The following HAS1 variants were observed in gnomAD, a reference collection of about 807,000 sequenced individuals.
HAS1 encodes the protein hyaluronan synthase 1, also known as HA synthase 1.
Under a neutral mutation model 35.0 loss-of-function variants are expected in HAS1, and 27 were observed. The observed-to-expected ratio is 0.77, with a 90% CI of 0.57 to 1.06. HAS1 has a LOEUF of 1.06. Among genes scored for constraint, HAS1 ranks in the 50% least tolerant of loss-of-function variants. The pLI is 0.00. For synonymous variants in HAS1, 409 were observed against 371.2 expected, an observed-to-expected ratio of 1.10 and a Z score of -1.17; for missense variants, 940 against 814.8, an observed-to-expected ratio of 1.15 and a Z score of -1.87.
Position 51,719,822 on chromosome 19 carries a change from G to A in HAS1, c.83C>T (p.Ala28Val), listed in dbSNP as rs2083614565. 1.9e-6 allele frequency: 3 copies of A among 1,555,750 alleles called. No homozygotes were observed. The South Asian group carries it at 3.5e-5, about 18-fold the overall frequency. Residue 28 changes from alanine to valine, a missense_variant, in exon 2 of 5, where the codon GCC becomes GTC. Physicochemically the swap from Ala to Val is moderately conservative, Grantham distance 64 (BLOSUM62 0). Transcript: ENST00000540069. ...GGTCATGAGGCCCAGGATGAGCAGGGCGAAGGCGATGGTCAGCACCCTCCG... is the reference window on the plus strand; with the variant it reads ...GGTCATGAGGCCCAGGATGAGCAGGACGAAGGCGATGGTCAGCACCCTCCG... Reference protein sequence around the residue: ...LARRVLTIAFALLILGLMTWA... With the variant: ...LARRVLTIAFVLLILGLMTWA...
intron 2 of HAS1, 41 bp downstream of exon 2, chr19:51,719,165 G>T: frequency 7.9e-7 from 1 of 1,267,396 alleles, no homozygotes; most frequent in Non-Finnish European, 1.1e-6. Context: ...GTGGGATTTG[G>T]GTGTTCGGGT....
chr19:51,713,975 G>A lies in HAS1; in HGVS notation c.1186C>T (p.His396Tyr). ...WLYNALWWHR[H>Y]HAWMTYEAVV... ...GCCTCGTAGGTCATCCACGCATGGT[G>A]CCGGTGCCACCAGAGCGCGTTGTAC... Residue 396 changes from histidine (H) to tyrosine (Y), a missense_variant, in exon 5 of 5, where the codon CAC (histidine) becomes TAC (tyrosine). Physicochemically the swap from His to Tyr is moderately conservative, Grantham distance 83. Coordinates refer to ENST00000540069, the MANE Select transcript of HAS1 (RefSeq NM_001297436.2). This position sits in a 1 kb window ranked among gnomAD's most constrained non-coding sequence, Gnocchi z 4.5. 1 of 1,613,300 alleles carries A rather than the reference G, an allele frequency of 6.2e-7. No individual in the cohort carries two copies. The highest frequency in any genetic ancestry group is 8.5e-7 in the Non-Finnish European group (1 of 1,179,992).
At position 51,719,574 on chromosome 19, in the gene HAS1, G is replaced by T. The variant is rs373808928; in HGVS notation, c.331C>A (p.Arg111Ser). 21 of 1,544,434 alleles carry T rather than the reference G, an allele frequency of 1.4e-5. No homozygotes were observed. In the African/African-American group the frequency reaches 2.1e-4, roughly 15 times the overall value. ...GCGCGGGCGGACGCCAGGCACTGGCGCAGGTACGCGGGGTCCTCCTGGTAG... is the reference window on the plus strand; with the variant it reads ...GCGCGGGCGGACGCCAGGCACTGGCTCAGGTACGCGGGGTCCTCCTGGTAG... ...SAYQEDPAYL[R>S]QCLASARALL... The change falls in exon 2 of 5, where the codon CGC becomes AGC. Residue 111 changes from arginine to serine, a missense_variant. Transcript: ENST00000540069.
At chr19:51,723,830 T>TGAAA (rs2083647119) in intron 1 of HAS1, 95 bp downstream of exon 1, 1 of 1,178,548 alleles carries the variant, frequency 8.5e-7, no homozygotes, top group African/African-American at 1.5e-5. Context: ...GCACACACAG[T>TGAAA]TCCCCAACAC....
intron 4 of HAS1, chr19:51,714,310 G>T: frequency 1.3e-6 from 1 of 757,648 alleles, no homozygotes. Context: ...AGCACTTTGG[G>T]AGGCTGAGGG....
rs2083648541 is a variant in HAS1, at chr19:51,723,925, CT to C, written c.8del (p.Gln3ArgfsTer21). On this transcript the variant is annotated frameshift_variant and splice_region_variant, in exon 1 of 5. Transcript: ENST00000540069. LOFTEE classifies it high-confidence loss of function. MR[Q>X]DAPKPTPAAC... The stretch of plus-strand genomic sequence containing the variant: ...CACACACACACACACACACACACAC[CT>C]GTCTCATCGCAGTGGGTCTGGCCGG... 3.3e-6 allele frequency: 4 copies of C among 1,202,550 alleles called. No homozygotes were observed. Among genetic ancestry groups the C allele is most frequent in the South Asian group, 1.5e-5 (1 of 68,126 alleles). 74.5% of individuals were successfully genotyped at this position (1,202,550 alleles called of 1,614,324 possible).
chr19:51,714,523 T>TA (rs1192483861), intron 4 of HAS1, among the ~76,000 whole-genome samples: 40,026 of 85,580 alleles, frequency 0.47, 9,686 homozygotes, highest in Admixed American at 0.57. Flanking sequence ...ACCCCATCTC[T>TA]AAAAAAAAAA....
intron 1 of HAS1, among the ~76,000 whole-genome samples, chr19:51,721,449 A>G (rs2083631098): frequency 6.6e-6 from 1 of 152,168 alleles, no homozygotes; most frequent in Admixed American, 6.5e-5. Context: ...CTACTGTACA[A>G]CAACCTTAAT....
Position 51,713,634 on chromosome 19 carries a change from C to T in HAS1, c.1527G>A (p.Ala509=), listed in dbSNP as rs2083557688. The T allele has an allele frequency of 1.2e-5, 18 of 1,563,040 alleles. No individual in the cohort carries two copies. The highest frequency in any genetic ancestry group is 1.5e-5 in the Non-Finnish European group (17 of 1,154,352). ...GGACCAGGCCCCCAAGCAGCAGCAG[C>T]GCCCAGAGCGCCAGGGGCAGCAGAG... ...YVPLLPLALW[A]LLLLGGLVRS... Residue 509 remains alanine (A), a synonymous_variant, in exon 5 of 5, where the codon GCG becomes GCA. Coordinates refer to ENST00000540069, the MANE Select transcript of HAS1 (RefSeq NM_001297436.2). The surrounding 1 kb of genome is among the most constrained non-coding windows in gnomAD (Gnocchi z 4.5).
Position 51,713,955 on chromosome 19 carries a change from G to A in HAS1, c.1206C>T (p.Tyr402=), listed in dbSNP as rs781708258. 1.4e-5 allele frequency: 23 copies of A among 1,611,994 alleles called. 1 individual carries two copies. In the South Asian group the frequency reaches 2.2e-4, roughly 15 times the overall value. Residue 402 remains tyrosine, a synonymous_variant, in exon 5 of 5, where the codon TAC becomes TAT. Transcript: ENST00000540069. This position sits in a 1 kb window ranked among gnomAD's most constrained non-coding sequence, Gnocchi z 4.5. The part of the protein sequence containing the change: ...WWHRHHAWMT[Y]EAVVSGLFPF... ...GGAACAGGCCGGAGACCACCGCCTC[G>A]TAGGTCATCCACGCATGGTGCCGGT...
At position 51,719,403 on chromosome 19, in the gene HAS1, G is replaced by C. The variant is rs2083608435; in HGVS notation, c.502C>G (p.Pro168Ala). 6.4e-7 allele frequency: 1 copy of C among 1,569,822 alleles called. No homozygotes were observed. The highest frequency in any genetic ancestry group is 8.6e-7 in the Non-Finnish European group (1 of 1,156,858). The change falls in exon 2 of 5, where the codon CCC becomes GCC. Residue 168 changes from proline (P) to alanine (A), a missense_variant. Transcript: ENST00000540069. ...GCGCCCGCCGCCGCGGGTTCCCAGG[G>C]CTGGTGGTAGTTGCCGTCCCACACG... Reference protein sequence around the residue: ...TYVWDGNYHQPWEPAAAGAVG... With the variant: ...TYVWDGNYHQAWEPAAAGAVG...
Position 51,719,747 on chromosome 19 carries a change from A to C in HAS1, c.158T>G (p.Leu53Arg). The C allele has an allele frequency of 6.4e-6, 10 of 1,566,780 alleles. No homozygotes were observed. Among genetic ancestry groups the C allele is most frequent in the Non-Finnish European group, 8.6e-6 (10 of 1,160,888 alleles). Residue 53 changes from leucine (L) to arginine (R), a missense_variant, in exon 2 of 5, where the codon CTG becomes CGG. By Grantham distance (102) the Leu-to-Arg change is moderately radical. Transcript: ENST00000540069. ...GAAGGCCCCGTAGAGGCCGAAGGCC[A>C]GGAGGCCGTAGCGATCGGAGGCCAG... Reference protein sequence around the residue: ...VPLASDRYGLLAFGLYGAFLS... With the variant: ...VPLASDRYGLRAFGLYGAFLS...
At chr19:51,714,299 C>T in intron 4 of HAS1, 197 bp from the exon 5 acceptor site, 1 of 867,814 alleles carries the variant, frequency 1.2e-6, no homozygotes, top group South Asian at 1.8e-5. Context: ...CCTGTAATCC[C>T]AGCACTTTGG....
In HAS1 at chr19:51,713,657, G is replaced by C. The variant is rs749088191; in HGVS notation, c.1504C>G (p.Leu502Val). 1.3e-6 allele frequency: 2 copies of C among 1,578,292 alleles called. No homozygotes were observed. Among genetic ancestry groups the C allele is most frequent in the Non-Finnish European group, 1.7e-6 (2 of 1,163,250 alleles). The change falls in exon 5 of 5, where the codon CTG (leucine) becomes GTG (valine). Residue 502 changes from leucine (L) to valine (V), a missense_variant. Physicochemically the swap from Leu to Val is conservative, Grantham distance 32. Transcript: ENST00000540069. This position sits in a 1 kb window ranked among gnomAD's most constrained non-coding sequence, Gnocchi z 4.5. ...RRKLAANYVP[L>V]LPLALWALLL... Reference sequence around the variant, plus strand: ...AGCGCCCAGAGCGCCAGGGGCAGCAGAGGGACGTAGTTAGCGGCCAGCTTC... The same window carrying C: ...AGCGCCCAGAGCGCCAGGGGCAGCACAGGGACGTAGTTAGCGGCCAGCTTC...
chr19:51,717,808 C>G (rs749508444), intron 2 of HAS1, among the ~76,000 whole-genome samples: 2 of 152,142 alleles, frequency 1.3e-5, no homozygotes, highest in African/African-American at 2.4e-5. Flanking sequence ...TGGTGATATC[C>G]TGAAAAAAGG....
rs750982254 is a variant in HAS1, at chr19:51,714,913, CTA to C, written c.1059-813_1059-812del. 7.0e-4 allele frequency among the ~76,000 whole-genome samples: 107 copies of C among 152,094 alleles called. 1 individual carries two copies. Among genetic ancestry groups the C allele is most frequent in the Non-Finnish European group, 1.2e-3 (79 of 68,008 alleles). The stretch of plus-strand genomic sequence containing the variant: ...TACTATCACTAACATATTACTAATA[CTA>C]CCATGCTTACTATTACTGGCAGGCC... On this transcript the variant is annotated intron_variant, in intron 4 of 4. Coordinates refer to ENST00000540069, the MANE Select transcript of HAS1 (RefSeq NM_001297436.2).
chr19:51,716,188 G>A, intron 4 of HAS1, 68 bp downstream of exon 4: 1 of 1,370,256 alleles, frequency 7.3e-7, no homozygotes, highest in Non-Finnish European at 1.0e-6. Flanking sequence ...AGAACTCTCA[G>A]CATGCACACA....
At position 51,716,375 on chromosome 19, in the gene HAS1, A is replaced by C; in HGVS notation, c.939T>G (p.Asn313Lys). Residue 313 changes from asparagine to lysine, a missense_variant, in exon 4 of 5, where the codon AAT becomes AAG. Transcript: ENST00000540069. Reference protein sequence around the residue: ...CISGPLGLYRNNLLQQFLEAW... With the variant: ...CISGPLGLYRKNLLQQFLEAW... ...CCTCAAGAAACTGCTGCAAGAGGTT[A>C]TTCCTATATAGGCCTGGGTGGAGGG... is the stretch of plus-strand genomic sequence containing the variant. The C allele has an allele frequency of 6.2e-7, 1 of 1,613,160 alleles. No homozygotes were observed. Among genetic ancestry groups the C allele is most frequent in the African/African-American group, 1.3e-5 (1 of 74,994 alleles).
In HAS1 at chr19:51,719,728, C is replaced by T. The variant is rs752629980; in HGVS notation, c.177G>A (p.Gly59=). The T allele has an allele frequency of 6.4e-7, 1 of 1,568,892 alleles. No homozygotes were observed. Among genetic ancestry groups the T allele is most frequent in the East Asian group, 2.4e-5 (1 of 42,332 alleles). Residue 59 remains glycine (G), a synonymous_variant, in exon 2 of 5, where the codon GGG becomes GGA. Transcript: ENST00000540069. ...RYGLLAFGLY[G]AFLSAHLVAQ... is the part of the protein sequence containing the mutation. ...CCACCAGGTGCGCTGAAAGGAAGGC[C>T]CCGTAGAGGCCGAAGGCCAGGAGGC...
Sources: allele counts gnomAD v4.1 joint callset (sites outside exome capture counted in the v4.1 genomes callset), GRCh38; gene constraint gnomAD v4.1.1; non-coding constraint Gnocchi (gnomAD v3.1); transcripts MANE v1.5; gene names NCBI Gene and HGNC (gene_info 2026-07-23, HGNC 2026-07-21).